The following FBXO42 variants were observed in gnomAD, a reference collection of about 807,000 sequenced individuals.
FBXO42 encodes the protein F-box protein 42.
FBXO42 carries 12 observed loss-of-function variants against 71.7 expected under a neutral mutation model. The observed-to-expected ratio is 0.17, with a 90% confidence interval of 0.11 to 0.27. The LOEUF (loss-of-function observed/expected upper bound fraction) is 0.27, where lower values mean the gene tolerates loss of function less well. Ranked by LOEUF, FBXO42 falls within the 10% of genes least tolerant of loss-of-function variation. The pLI is 1.00. For missense variants in FBXO42, 707 were observed against 911.9 expected, an observed-to-expected ratio of 0.78 and a Z score of 2.89; for synonymous variants, 325 against 327.5, an observed-to-expected ratio of 0.99 and a Z score of 0.08.
At chr1:16,287,900 T>A (rs2082038565) in intron 4 of FBXO42, among the ~76,000 whole-genome samples, 1 of 152,066 alleles carries the variant, frequency 6.6e-6, no homozygotes. Context: ...GATGAAACCC[T>A]GTCTCTACTA....
intron 1 of FBXO42, among the ~76,000 whole-genome samples, chr1:16,339,830 C>T (rs1028749448): frequency 6.6e-6 from 1 of 152,174 alleles, no homozygotes; most frequent in Non-Finnish European, 1.5e-5. Flanking sequence ...TGGCTCACAC[C>T]TGTAGTCCCA....
intron 1 of FBXO42, among the ~76,000 whole-genome samples, chr1:16,324,403 A>G (rs1370892783): frequency 6.6e-6 from 1 of 152,224 alleles, no homozygotes; most frequent in Non-Finnish European, 1.5e-5. Context: ...CCAACACAGA[A>G]CATTATATAA....
intron 1 of FBXO42, among the ~76,000 whole-genome samples, chr1:16,339,278 G>A (rs560621706): frequency 2.0e-5 from 3 of 151,826 alleles, no homozygotes; most frequent in African/African-American, 4.8e-5. Flanking sequence ...ATTACTTATC[G>A]ACACAATGTC....
intron 3 of FBXO42, among the ~76,000 whole-genome samples, chr1:16,295,683 A>G (rs1462988288): frequency 6.6e-6 from 1 of 152,120 alleles, no homozygotes; most frequent in Non-Finnish European, 1.5e-5. Context: ...ATGAGCCACC[A>G]TGCCCGGCCA....
rs1020299584 is a variant in FBXO42 at position 16,246,998 on chromosome 1, G to C, written c.*3672C>G. 1 of 152,180 alleles carries C rather than the reference G, an allele frequency of 6.6e-6. No homozygotes were observed. The highest frequency in any genetic ancestry group is 2.4e-5 in the African/African-American group (1 of 41,426). 9.4% of individuals were successfully genotyped at this position (152,180 alleles called of 1,614,324 possible). ...ATGACTATCTCAGGGTAAGCCACCT[G>C]GCATCCCTGAGTTGTATGGGAAACA... On this transcript the variant is annotated 3_prime_UTR_variant, in exon 10 of 10. Coordinates refer to ENST00000375592, the MANE Select transcript of FBXO42 (RefSeq NM_018994.3).
At chr1:16,263,648 G>A (rs1241009111) in intron 4 of FBXO42, among the ~76,000 whole-genome samples, 7 of 150,310 alleles carry the variant, frequency 4.7e-5, no homozygotes, top group Admixed American at 6.6e-5. Context: ...GCTTGAACCC[G>A]GGAGGCAGAG....
chr1:16,344,219 A>G (rs1402684071), intron 1 of FBXO42, among the ~76,000 whole-genome samples: 2 of 151,816 alleles, frequency 1.3e-5, no homozygotes, highest in African/African-American at 4.8e-5. Context: ...GCTGGTCTCG[A>G]ACTCCTGACC....
intron 7 of FBXO42, 87 bp from the exon 8 acceptor site, chr1:16,253,239 C>A: frequency 8.7e-7 from 1 of 1,143,984 alleles, no homozygotes; most frequent in Middle Eastern, 2.0e-4. Context: ...GAATAGCCTA[C>A]CTAGCTCCCA....
intron 4 of FBXO42, among the ~76,000 whole-genome samples, chr1:16,284,741 G>A (rs2082003712): frequency 6.6e-6 from 1 of 152,198 alleles, no homozygotes; most frequent in Non-Finnish European, 1.5e-5. Context: ...GCCAAGGCAG[G>A]AGGATCATCT....
chr1:16,264,431 T>G (rs2081750135), intron 4 of FBXO42, among the ~76,000 whole-genome samples: 1 of 152,216 alleles, frequency 6.6e-6, no homozygotes, highest in African/African-American at 2.4e-5. Flanking sequence ...TTAGGACATT[T>G]CCTGGCCTGC....
rs2081605760 is a variant in FBXO42 at position 16,252,719 on chromosome 1, C to T, written c.922-315G>A. Reference sequence around the variant, plus strand: ...GAAGGAGAGGATAAATAATACATATCCACAACTTTCTGAATCTGCTTTCTT... The same window carrying T: ...GAAGGAGAGGATAAATAATACATATTCACAACTTTCTGAATCTGCTTTCTT... On this transcript the variant is annotated intron_variant, in intron 8 of 9. Coordinates refer to ENST00000375592, the MANE Select transcript of FBXO42 (RefSeq NM_018994.3). This position sits in a 1 kb window ranked among gnomAD's most constrained non-coding sequence, Gnocchi z 4.4. 1.3e-5 allele frequency among the ~76,000 whole-genome samples: 2 copies of T among 152,144 alleles called. No individual in the cohort carries two copies. The highest frequency in any genetic ancestry group is 4.1e-4 in the South Asian group (2 of 4,830).
At chr1:16,282,353 G>A (rs1275632680) in intron 4 of FBXO42, among the ~76,000 whole-genome samples, 2 of 151,214 alleles carry the variant, frequency 1.3e-5, no homozygotes, top group Non-Finnish European at 2.9e-5. Context: ...AGCCTCCCAA[G>A]TAACTGGGAT....
chr1:16,272,121 C>T (rs1467918668), intron 4 of FBXO42, among the ~76,000 whole-genome samples: 1 of 138,964 alleles, frequency 7.2e-6, no homozygotes, highest in Non-Finnish European at 1.5e-5. Flanking sequence ...TGCCACTGCA[C>T]TCCAGCCTGG....
rs928370093 is a variant in FBXO42 at position 16,256,872 on chromosome 1, T to C, written c.503-113A>G. ...AGAGCAACAAAAGGGGAACTAATAC[T>C]ACAAAGTGTAGAGGAAAGGTGGAAA... On this transcript the variant is annotated intron_variant, in intron 4 of 9. Transcript: ENST00000375592. The C allele has an allele frequency of 8.2e-6, 9 of 1,091,186 alleles. 1 individual carries two copies. In the South Asian group the frequency reaches 8.3e-5, roughly 10 times the overall value. The allele number at this position is 1,091,186 out of a possible 1,614,324, so 67.6% of individuals were successfully genotyped here. A position where few individuals can be genotyped will look rare whatever the true frequency, so the allele number is the denominator to read the frequency against.
chr1:16,276,917 T>G (rs1569847356), intron 4 of FBXO42, among the ~76,000 whole-genome samples: 1 of 152,194 alleles, frequency 6.6e-6, no homozygotes, highest in South Asian at 2.1e-4. Flanking sequence ...AATAAGAAGG[T>G]TTTATTTTAG....
intron 1 of FBXO42, among the ~76,000 whole-genome samples, chr1:16,332,663 G>T (rs2082511508): frequency 6.6e-6 from 1 of 151,338 alleles, no homozygotes; most frequent in Admixed American, 6.6e-5. Context: ...GCCTCAAGCT[G>T]CTGAACAGCT....
intron 1 of FBXO42, among the ~76,000 whole-genome samples, chr1:16,346,203 T>C (rs933058158): frequency 3.9e-5 from 6 of 152,088 alleles, no homozygotes; most frequent in African/African-American, 1.4e-4. Flanking sequence ...AGCAAAAAAG[T>C]AAACACCCTA....
chr1:16,321,695 T>C (rs920167449), intron 1 of FBXO42, among the ~76,000 whole-genome samples: 1 of 70,298 alleles, frequency 1.4e-5, no homozygotes, highest in Admixed American at 1.2e-4. Context: ...TCGCAAGGGT[T>C]TTTTTTTTTT....
chr1:16,262,852 G>C (rs2081729462), intron 4 of FBXO42, among the ~76,000 whole-genome samples: 2 of 151,940 alleles, frequency 1.3e-5, no homozygotes, highest in African/African-American at 4.8e-5. Context: ...TGGGACTACA[G>C]GCACGTGCCA....
Sources: gnomAD v4.1 joint callset for allele counts (sites outside exome capture counted in the v4.1 genomes callset) on GRCh38, gnomAD v4.1.1 for gene constraint, Gnocchi (gnomAD v3.1) non-coding constraint, MANE v1.5 for transcripts, NCBI Gene and HGNC (gene_info 2026-07-23, HGNC 2026-07-21) for gene names.